PTPN13: variants seen among roughly 807,000 people sequenced by gnomAD.
PTPN13 encodes tyrosine-protein phosphatase non-receptor type 13.
A neutral mutation model predicts 284.0 loss-of-function variants in PTPN13; 191 were observed. That is an observed-to-expected ratio of 0.67 (90% CI 0.60 to 0.76). The LOEUF is 0.76. PTPN13 is among the 30% of genes least tolerant of loss of function. PTPN13 has a pLI of 0.00. For synonymous variants in PTPN13, 986 were observed against 1,022.3 expected, an observed-to-expected ratio of 0.96 and a Z score of 0.68; for missense variants, 2,797 against 2,939.9, an observed-to-expected ratio of 0.95 and a Z score of 1.12.
At chr4:86,612,244 CAAAG>C (rs1390294891) in intron 1 of PTPN13, among the ~76,000 whole-genome samples, 1 of 151,884 alleles carries the variant, frequency 6.6e-6, no homozygotes, top group African/African-American at 2.4e-5. Flanking sequence ...TTCAGGCACA[CAAAG>C]AAGCAGGAAA....
At chr4:86,720,209 A>T (rs780433751) in intron 9 of PTPN13, among the ~76,000 whole-genome samples, 6 of 152,168 alleles carry the variant, frequency 3.9e-5, no homozygotes, top group African/African-American at 4.8e-5. Flanking sequence ...TTGGATTTTT[A>T]AATTTTAAAA....
At chr4:86,739,811 A>G (rs1469703684) in intron 15 of PTPN13, among the ~76,000 whole-genome samples, 1 of 152,232 alleles carries the variant, frequency 6.6e-6, no homozygotes, top group Non-Finnish European at 1.5e-5. Flanking sequence ...CCTAGGTACA[A>G]TGGGGGTTAC....
intron 40 of PTPN13, among the ~76,000 whole-genome samples, chr4:86,792,653 G>C (rs981033647): frequency 6.6e-6 from 1 of 152,308 alleles, no homozygotes; most frequent in African/African-American, 2.4e-5. Flanking sequence ...CAGAATAACA[G>C]CGATCTCTCA....
intron 1 of PTPN13, among the ~76,000 whole-genome samples, chr4:86,611,024 G>C (rs1448644024): frequency 1.3e-5 from 2 of 152,068 alleles, no homozygotes; most frequent in Non-Finnish European, 2.9e-5. Context: ...TATATGACTT[G>C]ATTTCCATTA....
At chr4:86,725,048 A>G (rs1429491084) in intron 10 of PTPN13, among the ~76,000 whole-genome samples, 1 of 140,144 alleles carries the variant, frequency 7.1e-6, no homozygotes, top group East Asian at 2.1e-4. Flanking sequence ...TTTCCCACCT[A>G]TGAGTGAGAA....
Position 86,717,040 on chromosome 4 carries a change from C to G in PTPN13, c.1308C>G (p.Ala436=), listed in dbSNP as rs1262037649. 1.2e-6 allele frequency: 2 copies of G among 1,612,480 alleles called. No homozygotes were observed. The highest frequency in any genetic ancestry group is 1.7e-6 in the Non-Finnish European group (2 of 1,179,180). ...SDFRQVRRSE[A]SKRFESSSGL... ...CATAATTAGTGAGAAGAAGTGAAGC[C>G]TCAAAGAGGTTTGAATCCAGCAGTG... Residue 436 remains alanine (A), a synonymous_variant, in exon 9 of 48, where the codon GCC becomes GCG. Transcript: ENST00000411767.
At chr4:86,725,515 T>A (rs888083874) in intron 10 of PTPN13, among the ~76,000 whole-genome samples, 1 of 149,714 alleles carries the variant, frequency 6.7e-6, no homozygotes, top group Non-Finnish European at 1.5e-5. Flanking sequence ...CTTTTCTAAC[T>A]GGCATGAGAT....
intron 25 of PTPN13, 61 bp from the exon 26 acceptor site, chr4:86,765,334 T>C: frequency 1.5e-6 from 2 of 1,306,226 alleles, no homozygotes; most frequent in Non-Finnish European, 2.2e-6. Context: ...AGGCCTGAGA[T>C]TTGAAAGAGA....
chr4:86,701,210 G>A (rs377402412), intron 6 of PTPN13, 31 bp from the exon 7 acceptor site: 17 of 1,446,392 alleles, frequency 1.2e-5, no homozygotes, highest in African/African-American at 2.9e-5. Flanking sequence ...TAAAAATTGT[G>A]TGCATACATG....
At chr4:86,727,995 A>G (rs1054760010) in intron 10 of PTPN13, among the ~76,000 whole-genome samples, 1 of 149,586 alleles carries the variant, frequency 6.7e-6, no homozygotes, top group African/African-American at 2.4e-5. Context: ...AATGTGTCCC[A>G]GAGATTCTGG....
In PTPN13 at chr4:86,785,228, A is replaced by G; in HGVS notation, c.6119-3A>G. On this transcript the variant is annotated splice_polypyrimidine_tract_variant and splice_region_variant and intron_variant, in intron 38 of 47. Transcript: ENST00000411767. ...AACCCCATGTAAATTATTATTTTTC[A>G]AGAATCTTATATACAAGAAGATGAC... is the stretch of plus-strand genomic sequence containing the variant. The G allele has an allele frequency of 1.3e-6, 2 of 1,510,548 alleles. No homozygotes were observed. Among genetic ancestry groups the G allele is most frequent in the South Asian group, 1.2e-5 (1 of 81,408 alleles). The allele number at this position is 1,510,548 out of a possible 1,614,324, so 93.6% of individuals were successfully genotyped here. A position where few individuals can be genotyped will look rare whatever the true frequency, so the allele number is the denominator to read the frequency against.
chr4:86,621,778 A>G (rs764226823), intron 1 of PTPN13, among the ~76,000 whole-genome samples: 1 of 152,006 alleles, frequency 6.6e-6, no homozygotes, highest in East Asian at 1.9e-4. Context: ...AAGAATATGC[A>G]TAAGAGATAA....
chr4:86,713,230 G>A (rs1732637479), intron 7 of PTPN13, among the ~76,000 whole-genome samples: 2 of 151,970 alleles, frequency 1.3e-5, no homozygotes, highest in Admixed American at 6.6e-5. Flanking sequence ...TGTCCTGTAT[G>A]TTGCAATTCC....
chr4:86,701,861 T>C, intron 7 of PTPN13, 60 bp downstream of exon 7: 1 of 1,439,014 alleles, frequency 6.9e-7, no homozygotes. Context: ...TTTTTTGAAA[T>C]AAAGAAGGGT....
At chr4:86,606,100 T>C (rs1468969146) in intron 1 of PTPN13, among the ~76,000 whole-genome samples, 1 of 151,930 alleles carries the variant, frequency 6.6e-6, no homozygotes, top group Non-Finnish European at 1.5e-5. Context: ...TTTCTAAATT[T>C]GCTCAATAAG....
At chr4:86,778,819 A>G (rs1022301750) in intron 35 of PTPN13, among the ~76,000 whole-genome samples, 4 of 152,126 alleles carry the variant, frequency 2.6e-5, no homozygotes, top group Non-Finnish European at 5.9e-5. Flanking sequence ...ACACAAAAAA[A>G]GCTACCTCAG....
rs942383927 is a variant in PTPN13 at position 86,625,772 on chromosome 4, C to T, written c.-5-9480C>T. Among the ~76,000 whole-genome samples the T allele has an allele frequency of 3.9e-5, 6 of 152,250 alleles. No homozygotes were observed. In the South Asian group the frequency reaches 6.2e-4, roughly 16 times the overall value. ...TAGGTCCTTGCGATATGCCCCACTA[C>T]GTAGGCAGTTTACAACGTGAAAGGA... On this transcript the variant is annotated intron_variant, in intron 1 of 47. Coordinates refer to ENST00000411767, the MANE Select transcript of PTPN13 (RefSeq NM_080683.3).
intron 26 of PTPN13, 42 bp from the exon 27 acceptor site, chr4:86,766,390 A>G (rs1332655903): frequency 1.4e-6 from 2 of 1,449,492 alleles, no homozygotes; most frequent in Non-Finnish European, 1.9e-6. Flanking sequence ...TTAAAAGAAC[A>G]TGTAGGATTT....
At chr4:86,672,657 G>A (rs541864140) in intron 3 of PTPN13, 114 bp downstream of exon 3, 26 of 783,326 alleles carry the variant, frequency 3.3e-5, no homozygotes, top group South Asian at 2.4e-4. Flanking sequence ...TTAAATGACC[G>A]TGTATTCCAA....
Sources: gnomAD v4.1 joint callset for allele counts (sites outside exome capture counted in the v4.1 genomes callset) on GRCh38, gnomAD v4.1.1 for gene constraint, MANE v1.5 for transcripts, NCBI Gene and HGNC (gene_info 2026-07-23, HGNC 2026-07-21) for gene names.